Variants in SEMA3A observed in about 807,000 individuals in gnomAD.
The protein encoded by SEMA3A is semaphorin 3A, also known as semaphorin-3A.
Under a neutral mutation model 97.9 loss-of-function variants are expected in SEMA3A, and 29 were observed. The ratio of observed to expected loss-of-function variants is 0.30; its 90% CI spans 0.22 to 0.40. The LOEUF (loss-of-function observed/expected upper bound fraction) is 0.40, where lower values mean the gene tolerates loss of function less well. SEMA3A is among the 10% of genes least tolerant of loss of function. The pLI is 1.00. For synonymous variants in SEMA3A, 321 were observed against 323.7 expected (o/e 0.99, Z 0.09); for missense variants, 763 against 951.3 (o/e 0.80, Z 2.60).
At chr7:83,969,490 G>A (rs1788839308) in intron 15 of SEMA3A, among the ~76,000 whole-genome samples, 1 of 152,110 alleles carries the variant, frequency 6.6e-6, no homozygotes, top group Admixed American at 6.6e-5. Context: ...AATCGTAAAC[G>A]CTTAGCTGAT....
chr7:84,267,718 T>C (rs1800041908), intron 3 of SEMA3A, among the ~76,000 whole-genome samples: 1 of 152,132 alleles, frequency 6.6e-6, no homozygotes, highest in African/African-American at 2.4e-5. Context: ...GTCATTTACA[T>C]GTCTAAAATA....
Position 84,212,201 on chromosome 7 carries a change from T to G in SEMA3A, c.-82-17533A>C, listed in dbSNP as rs183936839. 1.3e-3 allele frequency among the ~76,000 whole-genome samples: 197 copies of G among 152,318 alleles called. 1 individual carries two copies. Among genetic ancestry groups the G allele is most frequent in the Admixed American group, 6.9e-3 (106 of 15,296 alleles). ...AAATAATTAACTAATAATTCTCTGA[T>G]TTTGACTAATCAGTGCTCTCTCTTT... On this transcript the variant is annotated intron_variant, in intron 3 of 3. Transcript: ENST00000424555.
chr7:84,148,130 G>C (rs1023855197), intron 1 of SEMA3A, among the ~76,000 whole-genome samples: 2 of 151,968 alleles, frequency 1.3e-5, no homozygotes, highest in African/African-American at 2.4e-5. Flanking sequence ...GGCCAGGCTG[G>C]TCTCGAACCC....
At chr7:84,426,877 A>G (rs529703929) in intron 1 of SEMA3A, among the ~76,000 whole-genome samples, 3 of 152,280 alleles carry the variant, frequency 2.0e-5, no homozygotes, top group Admixed American at 2.0e-4. Flanking sequence ...CAGTGTTGGT[A>G]CATATGCTAT....
intron 3 of SEMA3A, among the ~76,000 whole-genome samples, chr7:84,297,775 T>A (rs1484380126): frequency 6.6e-6 from 1 of 152,166 alleles, no homozygotes; most frequent in Non-Finnish European, 1.5e-5. Flanking sequence ...TGGGTAGCAC[T>A]CCTAGACATA....
intron 3 of SEMA3A, among the ~76,000 whole-genome samples, chr7:84,235,455 T>A (rs1490714942): frequency 6.6e-6 from 1 of 152,104 alleles, no homozygotes; most frequent in Non-Finnish European, 1.5e-5. Context: ...GAAATTTTGA[T>A]TACTTTTGAT....
Position 84,208,585 on chromosome 7 carries a change from A to T in SEMA3A, c.-82-13917T>A, listed in dbSNP as rs41457445. Among the ~76,000 whole-genome samples the T allele has an allele frequency of 0.012, 1,878 of 152,326 alleles. 66 individuals carry two copies. The East Asian group carries it at 0.15, about 12-fold the overall frequency. ...TACATGTCATTCAACTATAAACTTTAAAACATGGATAAAAGATAATTACTG... is the reference window on the plus strand; with the variant it reads ...TACATGTCATTCAACTATAAACTTTTAAACATGGATAAAAGATAATTACTG... On this transcript the variant is annotated intron_variant, in intron 3 of 3. Transcript: ENST00000424555.
chr7:84,361,321 T>C (rs1179826978), intron 2 of SEMA3A, among the ~76,000 whole-genome samples: 1 of 151,968 alleles, frequency 6.6e-6, no homozygotes, highest in African/African-American at 2.4e-5. Context: ...AAGACTTATA[T>C]TGAATGGAAG....
chr7:84,083,603 ACCTC>A (rs1794234947), intron 4 of SEMA3A, among the ~76,000 whole-genome samples: 1 of 151,640 alleles, frequency 6.6e-6, no homozygotes, highest in Non-Finnish European at 1.5e-5. Context: ...CTTCATATCT[ACCTC>A]CCGACTATTC....
At chr7:84,330,232 G>T (rs1466376138) in intron 2 of SEMA3A, among the ~76,000 whole-genome samples, 2 of 151,874 alleles carry the variant, frequency 1.3e-5, no homozygotes, top group Non-Finnish European at 2.9e-5. Flanking sequence ...ACCTGCACAT[G>T]TACCCCTGAA....
intron 3 of SEMA3A, among the ~76,000 whole-genome samples, chr7:84,203,797 C>T (rs1798418905): frequency 6.6e-6 from 1 of 151,790 alleles, no homozygotes; most frequent in Non-Finnish European, 1.5e-5. Flanking sequence ...TCCCAAAGTG[C>T]TGGGATTACA....
At chr7:84,268,976 T>C (rs1800078413) in intron 3 of SEMA3A, among the ~76,000 whole-genome samples, 1 of 152,138 alleles carries the variant, frequency 6.6e-6, no homozygotes, top group South Asian at 2.1e-4. Context: ...AAATAGACTT[T>C]ACTGTACAAC....
chr7:84,266,313 CAAAAAAAA>C lies in SEMA3A; in HGVS notation c.-83+40886_-83+40893del, dbSNP rs57809084. On this transcript the variant is annotated intron_variant, in intron 3 of 3. Transcript: ENST00000424555. ...TCTAGCCTGGAGTGAGATTTGGTCT[CAAAAAAAA>C]AAAAAAAAAAAAAAAAGAAAAATGT... is the stretch of plus-strand genomic sequence containing the variant. 3.4e-4 allele frequency among the ~76,000 whole-genome samples: 24 copies of C among 70,476 alleles called. No homozygotes were observed. In the South Asian group the frequency reaches 0.01, roughly 30 times the overall value. 46.2% of individuals were successfully genotyped at this position (70,476 alleles called of 152,430 possible). A position where few individuals can be genotyped will look rare whatever the true frequency, so the allele number is the denominator to read the frequency against.
intron 1 of SEMA3A, among the ~76,000 whole-genome samples, chr7:84,384,212 T>C (rs544017224): frequency 5.3e-5 from 8 of 152,298 alleles, no homozygotes; most frequent in African/African-American, 1.9e-4. Flanking sequence ...TAATCATCTG[T>C]AGTTGTCATA....
At chr7:84,189,288 G>C (rs1414675381) in intron 1 of SEMA3A, among the ~76,000 whole-genome samples, 3 of 151,776 alleles carry the variant, frequency 2.0e-5, no homozygotes. Context: ...GGTTTGACAA[G>C]AGCAATGTCT....
chr7:84,185,692 GAAA>G (rs71078810), intron 1 of SEMA3A, among the ~76,000 whole-genome samples: 34 of 78,086 alleles, frequency 4.4e-4, no homozygotes, highest in South Asian at 9.3e-4. Context: ...ACTCTGGCAG[GAAA>G]AAAAAAAAAA....
intron 4 of SEMA3A, among the ~76,000 whole-genome samples, chr7:84,106,654 A>T (rs1242903483): frequency 6.6e-6 from 1 of 152,208 alleles, no homozygotes; most frequent in Non-Finnish European, 1.5e-5. Flanking sequence ...ATTTCTTCCT[A>T]TAAGATCCAA....
chr7:84,271,138 C>T (rs1161471393), intron 3 of SEMA3A, among the ~76,000 whole-genome samples: 1 of 151,958 alleles, frequency 6.6e-6, no homozygotes, highest in African/African-American at 2.4e-5. Context: ...CTTCTTTTCT[C>T]TCTCTTTTTT....
chr7:84,223,484 A>C (rs1798925516), intron 3 of SEMA3A, among the ~76,000 whole-genome samples: 1 of 151,884 alleles, frequency 6.6e-6, no homozygotes, highest in Admixed American at 6.6e-5. Context: ...ATGATTCTTT[A>C]ATGTTTTAGA....
Sources: allele counts gnomAD v4.1 joint callset (sites outside exome capture counted in the v4.1 genomes callset), GRCh38; gene constraint gnomAD v4.1.1; transcripts MANE v1.5; gene names NCBI Gene and HGNC (gene_info 2026-07-23, HGNC 2026-07-21).